Variants in TENT4B observed in about 807,000 individuals in gnomAD.
The protein encoded by TENT4B is PAP associated domain containing 5.
Under a neutral mutation model 75.0 loss-of-function variants are expected in TENT4B, and 10 were observed. The observed-to-expected ratio is 0.13, with a 90% CI of 0.08 to 0.23. The LOEUF is 0.23. Ranked by LOEUF, TENT4B falls within the 10% of genes least tolerant of loss-of-function variation. TENT4B has a pLI of 1.00. For synonymous variants in TENT4B, 350 were observed against 357.7 expected, an observed-to-expected ratio of 0.98 and a Z score of 0.24; for missense variants, 579 against 893.8, an observed-to-expected ratio of 0.65 and a Z score of 4.49.
chr16:50,167,280 C>T (rs1465976176), intron 1 of TENT4B, among the ~76,000 whole-genome samples: 1 of 152,128 alleles, frequency 6.6e-6, no homozygotes, highest in Non-Finnish European at 1.5e-5. Flanking sequence ...TGTTGGGCCA[C>T]ATTCAAAGCC....
intron 1 of TENT4B, among the ~76,000 whole-genome samples, chr16:50,175,375 T>C (rs571079526): frequency 2.7e-4 from 41 of 152,328 alleles, no homozygotes; most frequent in Admixed American, 5.2e-4. Context: ...ACCACAGTCA[T>C]CTAGAGTTCC....
intron 1 of TENT4B, among the ~76,000 whole-genome samples, chr16:50,203,799 A>G (rs1596717543): frequency 6.6e-6 from 1 of 152,218 alleles, no homozygotes; most frequent in Non-Finnish European, 1.5e-5. Context: ...CTCCCTAAGG[A>G]GGTGCTTCTC....
intron 3 of TENT4B, among the ~76,000 whole-genome samples, chr16:50,215,504 C>G (rs2031504325): frequency 6.6e-6 from 1 of 152,162 alleles, no homozygotes; most frequent in African/African-American, 2.4e-5. Flanking sequence ...TCACATAGTT[C>G]ACATTTGGAA....
rs2037839497 is a variant in TENT4B at position 50,154,082 on chromosome 16, C to T, written c.461C>T (p.Ala154Val). ...AVPAADPADS[A>V]SGSSNKRKRD... ...CCCGCCGCCGATCCAGCCGATTCGG[C>T]CTCGGGCAGCAGCAACAAGAGGAAG... is the stretch of plus-strand genomic sequence containing the variant. The change falls in exon 1 of 12, where the codon GCC becomes GTC. Residue 154 changes from alanine (A) to valine (V), a missense_variant. This residue lies in a region of TENT4B where 253 missense variants were observed against 270.1 expected (regional missense o/e 0.94). Coordinates refer to ENST00000561678, the MANE Select transcript of TENT4B (RefSeq NM_001365324.3). The T allele has an allele frequency of 6.5e-7, 1 of 1,529,852 alleles. No homozygotes were observed. Among genetic ancestry groups the T allele is most frequent in the African/African-American group, 1.4e-5 (1 of 72,530 alleles). The allele number at this position is 1,529,852 out of a possible 1,614,324, so 94.8% of individuals were successfully genotyped here.
At chr16:50,226,979 T>C (rs990605245) in intron 10 of TENT4B, among the ~76,000 whole-genome samples, 1 of 152,206 alleles carries the variant, frequency 6.6e-6, no homozygotes, top group African/African-American at 2.4e-5. Context: ...TGATAGAATT[T>C]ATGTGTCAAT....
At chr16:50,156,533 G>A (rs2037904332) in intron 1 of TENT4B, among the ~76,000 whole-genome samples, 1 of 151,906 alleles carries the variant, frequency 6.6e-6, no homozygotes, top group Non-Finnish European at 1.5e-5. Context: ...TAGTAGAGAC[G>A]GGGTTTCTTC....
At chr16:50,192,728 A>AT (rs2029931468) in intron 1 of TENT4B, among the ~76,000 whole-genome samples, 2 of 151,954 alleles carry the variant, frequency 1.3e-5, no homozygotes, top group Non-Finnish European at 2.9e-5. Context: ...TGTAATTTGA[A>AT]TTGCACATAA....
intron 1 of TENT4B, among the ~76,000 whole-genome samples, chr16:50,154,682 C>G (rs796761078): frequency 6.6e-6 from 1 of 152,080 alleles, no homozygotes; most frequent in African/African-American, 2.4e-5. Flanking sequence ...ATCATTCATT[C>G]CCTGAGAACA....
Position 50,163,991 on chromosome 16 carries a change from C to G in TENT4B, c.638+9732C>G, listed in dbSNP as rs148641791. On this transcript the variant is annotated intron_variant, in intron 1 of 11. Coordinates refer to ENST00000561678, the MANE Select transcript of TENT4B (RefSeq NM_001365324.3). ...TGACCAACATGGATAAACCGCCTCTCTACTAAAAATACAAAATTAGCCGGG... is the reference window on the plus strand; with the variant it reads ...TGACCAACATGGATAAACCGCCTCTGTACTAAAAATACAAAATTAGCCGGG... 6.1e-3 allele frequency among the ~76,000 whole-genome samples: 924 copies of G among 151,694 alleles called. 9 individuals are homozygous for G. Among genetic ancestry groups the G allele is most frequent in the African/African-American group, 0.021 (888 of 41,424 alleles).
In TENT4B at chr16:50,234,330, G is replaced by C; in HGVS notation, c.*5002G>C. On this transcript the variant is annotated 3_prime_UTR_variant, in exon 12 of 12. Transcript: ENST00000561678. ...GGAATTGGGTAGGGGAGGGAAAGGA[G>C]GACTTGGAAAAGCATTCTCCAAAGC... is the stretch of plus-strand genomic sequence containing the variant. 1 of 978,420 alleles carries C rather than the reference G, an allele frequency of 1.0e-6. No homozygotes were observed. Among genetic ancestry groups the C allele is most frequent in the Non-Finnish European group, 1.2e-6 (1 of 827,726 alleles). The allele number at this position is 978,420 out of a possible 1,614,324, so 60.6% of individuals were successfully genotyped here. A position where few individuals can be genotyped will look rare whatever the true frequency, so the allele number is the denominator to read the frequency against.
intron 1 of TENT4B, among the ~76,000 whole-genome samples, chr16:50,193,188 G>A (rs1194027667): frequency 1.3e-5 from 2 of 152,136 alleles, no homozygotes; most frequent in African/African-American, 4.8e-5. Context: ...ATTAGGAGAT[G>A]TTAAAGGTGG....
intron 1 of TENT4B, 70 bp downstream of exon 1, chr16:50,154,329 G>T (rs1422935865): frequency 3.6e-6 from 5 of 1,381,202 alleles, no homozygotes; most frequent in African/African-American, 1.5e-5. Flanking sequence ...GCCCACAGAG[G>T]GGGGTTGTGA....
chr16:50,193,331 G>GTTT (rs774084083), intron 1 of TENT4B, among the ~76,000 whole-genome samples: 1,300 of 101,350 alleles, frequency 0.013, 29 homozygotes, highest in Admixed American at 0.018. Context: ...AGTTCCTGGA[G>GTTT]TTTTTTTTTT....
At chr16:50,221,856 C>T (rs1202591127) in intron 5 of TENT4B, among the ~76,000 whole-genome samples, 2 of 151,950 alleles carry the variant, frequency 1.3e-5, no homozygotes, top group African/African-American at 2.4e-5. Flanking sequence ...CTCTGCCTCC[C>T]GGGTTCAAGT....
Position 50,227,933 on chromosome 16 carries a change from C to T in TENT4B, c.1895C>T (p.Ser632Phe). Reference sequence around the variant, plus strand: ...GGGTCGCAAGATGTATCCTTGGAGTCCTCTCAGGCAGTTGGGAAAATGCAA... The same window carrying T: ...GGGTCGCAAGATGTATCCTTGGAGTTCTCTCAGGCAGTTGGGAAAATGCAA... ...RVGSQDVSLE[S>F]SQAVGKMQST... The change falls in exon 11 of 12, where the codon TCC (serine) becomes TTC (phenylalanine). Residue 632 changes from serine to phenylalanine, a missense_variant. Coordinates refer to ENST00000561678, the MANE Select transcript of TENT4B (RefSeq NM_001365324.3). 6.2e-7 allele frequency: 1 copy of T among 1,613,962 alleles called. No homozygotes were observed. Among genetic ancestry groups the T allele is most frequent in the South Asian group, 1.1e-5 (1 of 91,082 alleles).
At position 50,231,862 on chromosome 16, in the gene TENT4B, A is replaced by T; in HGVS notation, c.*2534A>T. The T allele has an allele frequency of 1.0e-6, 1 of 983,378 alleles. No homozygotes were observed. Among genetic ancestry groups the T allele is most frequent in the African/African-American group, 1.7e-5 (1 of 57,268 alleles). 60.9% of individuals were successfully genotyped at this position (983,378 alleles called of 1,614,324 possible). ...CCTGCTCATTTGTTTTATACATTTC[A>T]TCTATTTGACTCCTATCTTATTTCT... On this transcript the variant is annotated 3_prime_UTR_variant, in exon 12 of 12. Transcript: ENST00000561678.
chr16:50,221,575 C>T (rs909577293), intron 5 of TENT4B, among the ~76,000 whole-genome samples: 2 of 152,088 alleles, frequency 1.3e-5, no homozygotes, highest in African/African-American at 4.8e-5. Flanking sequence ...ATCTAAAGGT[C>T]GCTAGTCTAC....
chr16:50,197,300 T>G (rs2030332329), intron 1 of TENT4B, among the ~76,000 whole-genome samples: 1 of 152,164 alleles, frequency 6.6e-6, no homozygotes, highest in Admixed American at 6.5e-5. Context: ...AATTTAAGTT[T>G]TTTTTGGAGA....
At chr16:50,202,283 C>T (rs1293990701) in intron 1 of TENT4B, among the ~76,000 whole-genome samples, 1 of 152,096 alleles carries the variant, frequency 6.6e-6, no homozygotes, top group Non-Finnish European at 1.5e-5. Context: ...AAAGATGTTA[C>T]AAATGGTTGT....
Sources: allele counts gnomAD v4.1 joint callset (sites outside exome capture counted in the v4.1 genomes callset), GRCh38; gene constraint gnomAD v4.1.1; regional missense constraint gnomAD v4.1.1; transcripts MANE v1.5; gene names NCBI Gene and HGNC (gene_info 2026-07-23, HGNC 2026-07-21).